The following FOXP1 variants were observed in gnomAD, a reference collection of about 807,000 sequenced individuals.
FOXP1 encodes the protein forkhead box protein P1.
Under a neutral mutation model 98.2 loss-of-function variants are expected in FOXP1, and 15 were observed. The observed-to-expected ratio is 0.15, with a 90% CI of 0.10 to 0.24. The LOEUF (loss-of-function observed/expected upper bound fraction) is 0.24. Among genes scored for constraint, FOXP1 ranks in the 10% least tolerant of loss-of-function variants. The pLI, the probability that FOXP1 is intolerant of heterozygous loss-of-function variation, is 1.00. For missense variants in FOXP1, 633 were observed against 848.5 expected (o/e 0.75, Z 3.15); for synonymous variants, 371 against 314.5 (o/e 1.18, Z -1.90).
chr3:71,261,986 G>A (rs532793112), intron 5 of FOXP1, among the ~76,000 whole-genome samples: 1 of 151,960 alleles, frequency 6.6e-6, no homozygotes, highest in East Asian at 1.9e-4. Context: ...GTCAAATCCC[G>A]GCCGAGTGCG....
chr3:71,058,915 T>G (rs1275458394), intron 7 of FOXP1, among the ~76,000 whole-genome samples: 1 of 152,124 alleles, frequency 6.6e-6, no homozygotes, highest in African/African-American at 2.4e-5. Flanking sequence ...GCATGCTATT[T>G]ATGTGGAAAG....
intron 5 of FOXP1, among the ~76,000 whole-genome samples, chr3:71,231,384 G>A (rs1373648635): frequency 1.3e-5 from 2 of 152,048 alleles, no homozygotes; most frequent in African/African-American, 4.8e-5. Flanking sequence ...CAAAAAACAT[G>A]AATTCTGATG....
rs11445848 is a variant in FOXP1, at chr3:71,194,261, C to CAA, written c.180+3939_180+3940dup. Among the ~76,000 whole-genome samples, 485 of 113,748 alleles carry CAA rather than the reference C, an allele frequency of 4.3e-3. 1 individual carries two copies. Among genetic ancestry groups the CAA allele is most frequent in the African/African-American group, 0.012 (412 of 34,936 alleles). The allele number at this position is 113,748 out of a possible 152,430, so 74.6% of individuals were successfully genotyped here. The stretch of plus-strand genomic sequence containing the variant: ...AGACAATAAAACTGCCAGGTGGTAC[C>CAA]AAAAAAAAAAAAAAAAGAAAGAAAG... On this transcript the variant is annotated intron_variant, in intron 6 of 20. Transcript: ENST00000649528.
At chr3:71,264,550 C>T (rs1029495661) in intron 5 of FOXP1, among the ~76,000 whole-genome samples, 1 of 152,158 alleles carries the variant, frequency 6.6e-6, no homozygotes, top group Non-Finnish European at 1.5e-5. Flanking sequence ...AACATTGCCA[C>T]TTGGAGGGAT....
intron 4 of FOXP1, among the ~76,000 whole-genome samples, chr3:71,317,774 G>A (rs1000542284): frequency 2.0e-5 from 3 of 151,586 alleles, no homozygotes; most frequent in East Asian, 1.9e-4. Flanking sequence ...AGTATAACAC[G>A]TCCCAAAGAA....
At chr3:71,246,191 G>T (rs1437710289) in intron 5 of FOXP1, among the ~76,000 whole-genome samples, 1 of 152,104 alleles carries the variant, frequency 6.6e-6, no homozygotes, top group African/African-American at 2.4e-5. Flanking sequence ...AGCCGTGGCT[G>T]CTCTTGAAAG....
intron 2 of FOXP1, among the ~76,000 whole-genome samples, chr3:71,520,643 G>A (rs1324259476): frequency 6.6e-6 from 1 of 152,218 alleles, no homozygotes; most frequent in African/African-American, 2.4e-5. Flanking sequence ...GATCTAAAAT[G>A]TTCTAGCAAA....
chr3:71,259,619 G>A (rs1342822709), intron 5 of FOXP1, among the ~76,000 whole-genome samples: 1 of 152,104 alleles, frequency 6.6e-6, no homozygotes, highest in Non-Finnish European at 1.5e-5. Context: ...TTTCATAGAC[G>A]AACTAGATGG....
chr3:71,014,302 T>A (rs1459845265), intron 12 of FOXP1, among the ~76,000 whole-genome samples: 1 of 151,816 alleles, frequency 6.6e-6, no homozygotes, highest in Non-Finnish European at 1.5e-5. Context: ...AAGAAAAAAA[T>A]CAAACAACCC....
intron 3 of FOXP1, among the ~76,000 whole-genome samples, chr3:71,473,690 T>C (rs1042437119): frequency 3.1e-5 from 4 of 129,380 alleles, no homozygotes; most frequent in Non-Finnish European, 6.3e-5. Flanking sequence ...AGAAGGAACA[T>C]AGTTAACCAA....
chr3:71,142,289 A>T (rs376092366), intron 6 of FOXP1, among the ~76,000 whole-genome samples: 8 of 152,314 alleles, frequency 5.3e-5, no homozygotes, highest in Admixed American at 3.3e-4. Context: ...GGTGACCCTT[A>T]CATTCCTATG....
intron 6 of FOXP1, among the ~76,000 whole-genome samples, chr3:71,123,176 G>C (rs950492617): frequency 6.6e-6 from 1 of 151,996 alleles, no homozygotes; most frequent in Admixed American, 6.6e-5. Flanking sequence ...TAAAAACTCT[G>C]TCCACAATCC....
chr3:71,311,827 G>T (rs953836871), intron 4 of FOXP1, among the ~76,000 whole-genome samples: 1 of 152,168 alleles, frequency 6.6e-6, no homozygotes, highest in Non-Finnish European at 1.5e-5. Context: ...GGGAAATGAT[G>T]AGGCAACTTT....
intron 4 of FOXP1, among the ~76,000 whole-genome samples, chr3:71,338,611 G>A (rs781056806): frequency 9.2e-5 from 14 of 152,124 alleles, no homozygotes; most frequent in South Asian, 6.2e-4. Flanking sequence ...TGTATTTTTC[G>A]TAGAGGCGGG....
chr3:71,197,252 T>C (rs1456789222), intron 6 of FOXP1, among the ~76,000 whole-genome samples: 1 of 152,118 alleles, frequency 6.6e-6, no homozygotes, highest in African/African-American at 2.4e-5. Context: ...AGTGGCGCCA[T>C]AACTATGTTT....
Position 71,227,732 on chromosome 3 carries a change from T to A in FOXP1, c.-11-29340A>T, listed in dbSNP as rs536733439. 2.3e-3 allele frequency among the ~76,000 whole-genome samples: 320 copies of A among 139,496 alleles called. 1 individual carries two copies. The highest frequency in any genetic ancestry group is 6.0e-3 in the African/African-American group (230 of 38,548). The allele number at this position is 139,496 out of a possible 152,430, so 91.5% of individuals were successfully genotyped here. The stretch of plus-strand genomic sequence containing the variant: ...TGGTTACCATCATGCTCAATGTTTT[T>A]AAAAAAAAAAAAAAACAGTCAAAGG... On this transcript the variant is annotated intron_variant, in intron 5 of 20. Transcript: ENST00000649528.
chr3:71,180,003 T>C (rs1423946796), intron 6 of FOXP1, among the ~76,000 whole-genome samples: 1 of 152,206 alleles, frequency 6.6e-6, no homozygotes, highest in Admixed American at 6.5e-5. Context: ...TTGTAGGCAC[T>C]GGTGGAGTGA....
At chr3:71,164,024 T>C (rs566920649) in intron 6 of FOXP1, among the ~76,000 whole-genome samples, 13 of 152,292 alleles carry the variant, frequency 8.5e-5, no homozygotes, top group Non-Finnish European at 1.6e-4. Context: ...TGTAAAATTC[T>C]GCACAGACGA....
chr3:70,965,508 G>A (rs2034564009), intron 20 of FOXP1, among the ~76,000 whole-genome samples: 1 of 152,098 alleles, frequency 6.6e-6, no homozygotes, highest in African/African-American at 2.4e-5. Flanking sequence ...AAGTAAACAA[G>A]CATCTTTTTC....
Sources: allele counts gnomAD v4.1 joint callset (sites outside exome capture counted in the v4.1 genomes callset), GRCh38; gene constraint gnomAD v4.1.1; transcripts MANE v1.5; gene names NCBI Gene and HGNC (gene_info 2026-07-23, HGNC 2026-07-21).